CSE1L: variants seen among roughly 807,000 people sequenced by gnomAD.
CSE1L encodes exportin-2.
CSE1L carries 24 observed loss-of-function variants against 120.4 expected under a neutral mutation model. The observed-to-expected ratio is 0.20, with a 90% CI of 0.14 to 0.28. CSE1L has a LOEUF of 0.28. Among genes scored for constraint, CSE1L ranks in the 10% least tolerant of loss-of-function variants. The pLI, the probability that CSE1L is intolerant of heterozygous loss-of-function variation, is 1.00. For missense variants in CSE1L, 830 were observed against 1,145.2 expected, an observed-to-expected ratio of 0.72 and a Z score of 3.97; for synonymous variants, 402 against 398.3, an observed-to-expected ratio of 1.01 and a Z score of -0.11.
At chr20:49,060,472 T>C (rs930774007) in intron 2 of CSE1L, among the ~76,000 whole-genome samples, 4 of 133,644 alleles carry the variant, frequency 3.0e-5, no homozygotes, top group African/African-American at 1.0e-4. Flanking sequence ...CAAGACTCCG[T>C]CTCAAAAGAA....
chr20:49,050,854 G>C (rs2091761841), intron 1 of CSE1L, among the ~76,000 whole-genome samples: 2 of 152,166 alleles, frequency 1.3e-5, no homozygotes, highest in Non-Finnish European at 2.9e-5. Flanking sequence ...GAGCCACCTT[G>C]CTCAGCCTGT....
At chr20:49,074,957 C>T (rs1250506324) in intron 11 of CSE1L, 107 bp downstream of exon 11, 2 of 777,364 alleles carry the variant, frequency 2.6e-6, no homozygotes, top group Non-Finnish European at 4.1e-6. Context: ...AGTGTTTTTT[C>T]AGCGGGCTTT....
intron 16 of CSE1L, among the ~76,000 whole-genome samples, chr20:49,087,351 C>CTTTTTTTTTTT (rs11483071): frequency 4.3e-5 from 5 of 116,282 alleles, no homozygotes; most frequent in African/African-American, 9.9e-5. Flanking sequence ...TTTTCTTTTT[C>CTTTTTTTTTTT]TTTTTTTTTT....
rs1600614013 is a variant in CSE1L, at chr20:49,075,645, T to C, written c.1335+125T>C. ...CAGATAACCTATTCTGATTAAGATT[T>C]ATATAATCTCTGAAGATGGCTTTAT... On this transcript the variant is annotated intron_variant, in intron 12 of 24. Coordinates refer to ENST00000262982, the MANE Select transcript of CSE1L (RefSeq NM_001316.4). 11 of 774,428 alleles carry C rather than the reference T, an allele frequency of 1.4e-5. No homozygotes were observed. The East Asian group carries it at 2.7e-4, about 19-fold the overall frequency. The allele number at this position is 774,428 out of a possible 1,614,324, so 48.0% of individuals were successfully genotyped here.
Position 49,047,554 on chromosome 20 carries a change from TTTCTC to T in CSE1L, c.-12+1134_-12+1138del, listed in dbSNP as rs201511974. Among the ~76,000 whole-genome samples the T allele has an allele frequency of 5.9e-3, 802 of 136,050 alleles. 41 individuals are homozygous for T. Among genetic ancestry groups the T allele is most frequent in the East Asian group, 0.018 (86 of 4,738 alleles). The allele number at this position is 136,050 out of a possible 152,430, so 89.3% of individuals were successfully genotyped here. On this transcript the variant is annotated intron_variant, in intron 1 of 24. Transcript: ENST00000262982. ...TCTTTTGTTTTCTTTTTCTTTTTCT[TTTCTC>T]TTTTCTTTTTTTTTTTTTTTTTTTT...
intron 13 of CSE1L, among the ~76,000 whole-genome samples, chr20:49,077,796 G>C (rs2091980851): frequency 6.6e-6 from 1 of 152,160 alleles, no homozygotes; most frequent in Admixed American, 6.5e-5. Flanking sequence ...GTGAGGTCAA[G>C]AGATTGAGAC....
At chr20:49,085,236 C>T (rs1342423751) in intron 15 of CSE1L, 47 bp from the exon 16 acceptor site, 4 of 1,445,728 alleles carry the variant, frequency 2.8e-6, no homozygotes, top group Non-Finnish European at 3.9e-6. Context: ...TCTGCAGTGA[C>T]AAGCTCAAGA....
chr20:49,064,918 G>A (rs2091879177), intron 3 of CSE1L, among the ~76,000 whole-genome samples: 1 of 151,442 alleles, frequency 6.6e-6, no homozygotes, highest in Non-Finnish European at 1.5e-5. Context: ...ACTTTAGGAG[G>A]CTCAGATGGG....
intron 22 of CSE1L, among the ~76,000 whole-genome samples, chr20:49,092,695 A>G (rs2092111122): frequency 6.6e-6 from 1 of 152,044 alleles, no homozygotes; most frequent in Non-Finnish European, 1.5e-5. Context: ...GAGGGATAGC[A>G]TTAGCAGAAA....
intron 1 of CSE1L, among the ~76,000 whole-genome samples, chr20:49,047,833 G>T (rs1331374167): frequency 6.6e-6 from 1 of 151,758 alleles, no homozygotes; most frequent in East Asian, 1.9e-4. Context: ...TTCTCCCATG[G>T]CTCTCCATCA....
chr20:49,074,974 G>C, intron 11 of CSE1L, 124 bp downstream of exon 11: 1 of 665,632 alleles, frequency 1.5e-6, no homozygotes, highest in Admixed American at 3.4e-5. Flanking sequence ...CTTTCATTGA[G>C]AACTGTTGTC....
chr20:49,088,246 A>T (rs2092075076), intron 17 of CSE1L, 140 bp downstream of exon 17: 1 of 651,228 alleles, frequency 1.5e-6, no homozygotes, highest in African/African-American at 1.9e-5. Context: ...GACTTTTCTG[A>T]AAGTGTGGGC....
rs769551799 is a variant in CSE1L at position 49,092,098 on chromosome 20, A to G, written c.2418A>G (p.Leu806=). Residue 806 remains leucine (L), a synonymous_variant, in exon 22 of 25, where the codon CTA becomes CTG. Coordinates refer to ENST00000262982, the MANE Select transcript of CSE1L (RefSeq NM_001316.4). ...LYCIKYGALA[L]QEIFDGIQPK... is the part of the protein sequence containing the mutation. Reference sequence around the variant, plus strand: ...GCATAAAATATGGGGCACTAGCACTACAAGAAATATTTGATGGTATACAAC... The same window carrying G: ...GCATAAAATATGGGGCACTAGCACTGCAAGAAATATTTGATGGTATACAAC... The G allele has an allele frequency of 6.3e-7, 1 of 1,576,958 alleles. No homozygotes were observed. The highest frequency in any genetic ancestry group is 1.2e-5 in the South Asian group (1 of 86,942).
intron 12 of CSE1L, among the ~76,000 whole-genome samples, chr20:49,075,801 G>A (rs1003797418): frequency 6.6e-6 from 1 of 152,068 alleles, no homozygotes; most frequent in Non-Finnish European, 1.5e-5. Flanking sequence ...ATTGAGGAAA[G>A]TTTCTTTATT....
intron 1 of CSE1L, among the ~76,000 whole-genome samples, chr20:49,056,110 C>G (rs769451892): frequency 2.7e-5 from 4 of 150,820 alleles, no homozygotes; most frequent in African/African-American, 9.7e-5. Context: ...TTTCTAAAAT[C>G]GCTTTTTTTT....
At chr20:49,081,283 G>A (rs143935688) in intron 14 of CSE1L, among the ~76,000 whole-genome samples, 3 of 151,800 alleles carry the variant, frequency 2.0e-5, no homozygotes, top group East Asian at 2.0e-4. Flanking sequence ...ACCACGCCCG[G>A]CCCATTTCTT....
At chr20:49,058,378 A>T (rs1479367449) in intron 1 of CSE1L, 75 bp from the exon 2 acceptor site, 1 of 1,082,782 alleles carries the variant, frequency 9.2e-7, no homozygotes, top group East Asian at 2.4e-5. Context: ...AACCCATAAT[A>T]TAAACGGATT....
chr20:49,065,413 C>T (rs547999624), intron 3 of CSE1L, among the ~76,000 whole-genome samples: 1 of 138,222 alleles, frequency 7.2e-6, no homozygotes, highest in African/African-American at 2.7e-5. Context: ...GCCTCTGCCT[C>T]TCAGGTCCAA....
intron 16 of CSE1L, among the ~76,000 whole-genome samples, chr20:49,087,479 T>C (rs1447615328): frequency 6.6e-6 from 1 of 150,714 alleles, no homozygotes; most frequent in Non-Finnish European, 1.5e-5. Context: ...AGCCTCAGCC[T>C]CCCGAGTAGC....
Sources: gnomAD v4.1 joint callset for allele counts (sites outside exome capture counted in the v4.1 genomes callset) on GRCh38, gnomAD v4.1.1 for gene constraint, MANE v1.5 for transcripts, NCBI Gene and HGNC (gene_info 2026-07-23, HGNC 2026-07-21) for gene names.